The following FOXP1 variants were observed in gnomAD, a reference collection of about 807,000 sequenced individuals.
FOXP1 encodes the protein forkhead box P1, also known as forkhead box protein P1.
A neutral mutation model predicts 98.2 loss-of-function variants in FOXP1; 15 were observed. The observed-to-expected ratio is 0.15, with a 90% CI of 0.10 to 0.24. The LOEUF is 0.24. Ranked by LOEUF, FOXP1 falls within the 10% of genes least tolerant of loss-of-function variation. FOXP1 has a pLI of 1.00. For synonymous variants in FOXP1, 371 were observed against 314.5 expected, an observed-to-expected ratio of 1.18 and a Z score of -1.90; for missense variants, 633 against 848.5, an observed-to-expected ratio of 0.75 and a Z score of 3.15.
intron 7 of FOXP1, among the ~76,000 whole-genome samples, chr3:71,059,385 C>CT (rs2051155548): frequency 6.6e-6 from 1 of 152,190 alleles, no homozygotes; most frequent in East Asian, 1.9e-4. Context: ...CTGCTCTCCT[C>CT]TAACATTTCC....
intron 5 of FOXP1, chr3:71,289,591 A>T (rs1053307256): frequency 2.0e-5 from 3 of 152,020 alleles, no homozygotes; most frequent in Non-Finnish European, 4.4e-5. Context: ...CCCATCTCTG[A>T]TCTTTCCTGT....
At position 71,126,350 on chromosome 3, in the gene FOXP1, G is replaced by A. The variant is rs541652267; in HGVS notation, c.181-13713C>T. On this transcript the variant is annotated intron_variant, in intron 6 of 20. Transcript: ENST00000649528. ...ATACAAAAAAAAAAATTAGCCAGGC[G>A]TGGTGGCAGGCGCCTGTAGTCCCAG... is the stretch of plus-strand genomic sequence containing the variant. Among the ~76,000 whole-genome samples, 117 of 151,854 alleles carry A rather than the reference G, an allele frequency of 7.7e-4. 2 individuals are homozygous for A. Among genetic ancestry groups the A allele is most frequent in the African/African-American group, 2.3e-3 (97 of 41,446 alleles).
chr3:71,367,342 G>C (rs890840480), intron 3 of FOXP1, among the ~76,000 whole-genome samples: 1 of 152,078 alleles, frequency 6.6e-6, no homozygotes, highest in Non-Finnish European at 1.5e-5. Context: ...TCTCTCTCAC[G>C]TTGCATTCAC....
In FOXP1 at chr3:70,975,326, G is replaced by A. The variant is rs2037271259; in HGVS notation, c.1530+1615C>T. Reference sequence around the variant, plus strand: ...CTTTCATATTTTATCTTCCAAGGCAGGCTGAGGCAAAGAGGGTAAGATTTT... The same window carrying A: ...CTTTCATATTTTATCTTCCAAGGCAAGCTGAGGCAAAGAGGGTAAGATTTT... On this transcript the variant is annotated intron_variant, in intron 17 of 20. Transcript: ENST00000649528. 1.3e-5 allele frequency among the ~76,000 whole-genome samples: 2 copies of A among 152,192 alleles called. 1 individual carries two copies. The highest frequency in any genetic ancestry group is 1.3e-4 in the Admixed American group (2 of 15,284).
intron 3 of FOXP1, among the ~76,000 whole-genome samples, chr3:71,435,842 AGGGAC>A (rs2085273122): frequency 5.4e-5 from 2 of 37,040 alleles, no homozygotes; most frequent in Non-Finnish European, 1.2e-4. Context: ...GGAGGGAGGA[AGGGAC>A]GGAGGGAGGG....
intron 1 of FOXP1, chr3:71,582,745 A>G (rs544537172): frequency 3.6e-5 from 35 of 984,890 alleles, no homozygotes; most frequent in Middle Eastern, 1.0e-3. Flanking sequence ...GGGAAAGCGG[A>G]GGCCGAGCGC....
intron 2 of FOXP1, among the ~76,000 whole-genome samples, chr3:71,513,027 C>G (rs1301172790): frequency 1.3e-5 from 2 of 152,124 alleles, no homozygotes; most frequent in African/African-American, 2.4e-5. Context: ...AACATGAAAA[C>G]AGCCTGCTCC....
intron 6 of FOXP1, among the ~76,000 whole-genome samples, chr3:71,170,640 C>T (rs1222923960): frequency 2.6e-5 from 4 of 152,086 alleles, no homozygotes; most frequent in African/African-American, 7.2e-5. Flanking sequence ...TTTTATTGCT[C>T]GCGTATTCTT....
At chr3:71,425,597 A>G (rs778069293) in intron 3 of FOXP1, among the ~76,000 whole-genome samples, 35 of 152,168 alleles carry the variant, frequency 2.3e-4, no homozygotes, top group Non-Finnish European at 4.4e-4. Flanking sequence ...TAAATGCTTA[A>G]TAAGTATCTG....
chr3:71,348,389 C>T (rs982468347), intron 4 of FOXP1, among the ~76,000 whole-genome samples: 1 of 152,042 alleles, frequency 6.6e-6, no homozygotes, highest in Non-Finnish European at 1.5e-5. Flanking sequence ...GATGTTGGAC[C>T]AGGCTAAGAG....
chr3:71,173,064 C>T (rs151328942), intron 6 of FOXP1, among the ~76,000 whole-genome samples: 1 of 152,254 alleles, frequency 6.6e-6, no homozygotes, highest in East Asian at 1.9e-4. Context: ...TCAACATTCT[C>T]AGATTTTTCG....
chr3:71,535,539 TAACAACAACAACAAC>T (rs543028893), intron 2 of FOXP1, among the ~76,000 whole-genome samples: 10 of 151,920 alleles, frequency 6.6e-5, no homozygotes, highest in South Asian at 2.1e-4. Context: ...AACCCATCTC[TAACAACAACAACAAC>T]AACAACAACA....
chr3:71,004,678 A>C (rs2042550038), intron 12 of FOXP1, among the ~76,000 whole-genome samples: 1 of 152,186 alleles, frequency 6.6e-6, no homozygotes, highest in African/African-American at 2.4e-5. Context: ...ATTTTAACTA[A>C]AAATTCAGTC....
intron 13 of FOXP1, among the ~76,000 whole-genome samples, chr3:70,992,892 G>A (rs1322351349): frequency 1.3e-5 from 2 of 152,098 alleles, no homozygotes; most frequent in Admixed American, 6.6e-5. Flanking sequence ...TGGCAATATG[G>A]AACTACCGTG....
chr3:70,978,272 A>G (rs1167001995), intron 14 of FOXP1, among the ~76,000 whole-genome samples: 1 of 152,242 alleles, frequency 6.6e-6, no homozygotes, highest in East Asian at 1.9e-4. Context: ...TACAGGCTCA[A>G]AAAGGGGTTA....
chr3:71,014,867 A>C (rs1370096242), intron 12 of FOXP1, among the ~76,000 whole-genome samples: 2 of 152,232 alleles, frequency 1.3e-5, no homozygotes, highest in East Asian at 3.9e-4. Flanking sequence ...TGGAAACCAT[A>C]ATTCTGAGCA....
At chr3:71,316,413 C>T (rs1457481156) in intron 4 of FOXP1, among the ~76,000 whole-genome samples, 1 of 152,052 alleles carries the variant, frequency 6.6e-6, no homozygotes, top group Non-Finnish European at 1.5e-5. Flanking sequence ...AACCATCACC[C>T]CAGATGCTCT....
chr3:71,557,359 A>G (rs2046217475), intron 2 of FOXP1, among the ~76,000 whole-genome samples: 1 of 152,034 alleles, frequency 6.6e-6, no homozygotes, highest in East Asian at 1.9e-4. Flanking sequence ...TTCTCTGAAA[A>G]AAAAATCCTG....
At chr3:71,208,772 C>T (rs1263792166) in intron 5 of FOXP1, among the ~76,000 whole-genome samples, 4 of 152,152 alleles carry the variant, frequency 2.6e-5, no homozygotes, top group Non-Finnish European at 1.5e-5. Context: ...GCAGGGCTAA[C>T]GTAAACAGAA....
Sources: allele counts gnomAD v4.1 joint callset (sites outside exome capture counted in the v4.1 genomes callset), GRCh38; gene constraint gnomAD v4.1.1; transcripts MANE v1.5; gene names NCBI Gene and HGNC (gene_info 2026-07-23, HGNC 2026-07-21).